The following KCNMB2 variants were observed in gnomAD, a reference collection of about 807,000 sequenced individuals.
KCNMB2 encodes the protein calcium-activated potassium channel subunit beta-2.
A neutral mutation model predicts 24.5 loss-of-function variants in KCNMB2; 9 were observed. The ratio of observed to expected loss-of-function variants is 0.37; its 90% CI spans 0.22 to 0.64. The LOEUF is 0.64. KCNMB2 is among the 30% of genes least tolerant of loss of function. The probability of loss-of-function intolerance (pLI) is 0.63; values close to 1 mark genes in which losing one functional copy is unlikely to be tolerated. For missense variants in KCNMB2, 226 were observed against 284.3 expected, an observed-to-expected ratio of 0.79 and a Z score of 1.47; for synonymous variants, 109 against 104.4, an observed-to-expected ratio of 1.04 and a Z score of -0.27.
intron 1 of KCNMB2, among the ~76,000 whole-genome samples, chr3:178,775,293 T>C (rs771244778): frequency 6.6e-6 from 1 of 152,228 alleles, no homozygotes; most frequent in Non-Finnish European, 1.5e-5. Flanking sequence ...AGGGAATTAA[T>C]CCTTCACATC....
At chr3:178,771,284 G>A (rs1166851423) in intron 1 of KCNMB2, among the ~76,000 whole-genome samples, 4 of 151,828 alleles carry the variant, frequency 2.6e-5, no homozygotes, top group African/African-American at 9.7e-5. Context: ...TCCAACCCTT[G>A]CTCACTGCAA....
In KCNMB2 at chr3:178,807,427, T is replaced by A. The variant is rs1259686776; in HGVS notation, c.18T>A (p.Ser6Arg). 6.2e-7 allele frequency: 1 copy of A among 1,613,814 alleles called. No individual in the cohort carries two copies. The highest frequency in any genetic ancestry group is 1.1e-5 in the South Asian group (1 of 91,034). The change falls in exon 2 of 5, where the codon AGT (serine) becomes AGA (arginine). Residue 6 changes from serine to arginine, a missense_variant. Coordinates refer to ENST00000452583, the MANE Select transcript of KCNMB2 (RefSeq NM_181361.3). ...TCTCTAAGATGTTTATATGGACCAGTGGCCGGACCTCTTCATCTTATAGAC... is the reference window on the plus strand; with the variant it reads ...TCTCTAAGATGTTTATATGGACCAGAGGCCGGACCTCTTCATCTTATAGAC... MFIWT[S>R]GRTSSSYRHD...
intron 1 of KCNMB2, among the ~76,000 whole-genome samples, chr3:178,552,741 AT>A (rs1219381468): frequency 3.3e-5 from 5 of 152,222 alleles, no homozygotes; most frequent in African/African-American, 4.8e-5. Flanking sequence ...AATTATAGGA[AT>A]TCAAACAATC....
intron 1 of KCNMB2, among the ~76,000 whole-genome samples, chr3:178,539,276 C>G (rs565999226): frequency 6.6e-6 from 1 of 152,048 alleles, no homozygotes; most frequent in South Asian, 2.1e-4. Context: ...AATAAAAAAG[C>G]AGACTGCAAG....
chr3:178,665,236 G>A (rs1255368137), intron 1 of KCNMB2, among the ~76,000 whole-genome samples: 2 of 152,150 alleles, frequency 1.3e-5, no homozygotes, highest in Non-Finnish European at 2.9e-5. Flanking sequence ...TCATTTGAGA[G>A]AGAAGTCACA....
intron 1 of KCNMB2, among the ~76,000 whole-genome samples, chr3:178,713,069 T>C (rs976839610): frequency 6.6e-6 from 1 of 152,212 alleles, no homozygotes; most frequent in Non-Finnish European, 1.5e-5. Flanking sequence ...GAAGGGCCTG[T>C]TCAAATATGA....
intron 1 of KCNMB2, among the ~76,000 whole-genome samples, chr3:178,783,126 G>A (rs1712941689): frequency 6.6e-6 from 1 of 151,882 alleles, no homozygotes; most frequent in Non-Finnish European, 1.5e-5. Context: ...ATTTCTGAGG[G>A]CTCTGTTCTG....
chr3:178,772,387 C>T (rs1712408107), intron 1 of KCNMB2, among the ~76,000 whole-genome samples: 1 of 152,168 alleles, frequency 6.6e-6, no homozygotes, highest in Non-Finnish European at 1.5e-5. Context: ...AAGGATGCAA[C>T]TGAATTTTGG....
At chr3:178,816,966 A>G (rs532211652) in intron 2 of KCNMB2, among the ~76,000 whole-genome samples, 1 of 152,204 alleles carries the variant, frequency 6.6e-6, no homozygotes, top group Admixed American at 6.5e-5. Context: ...TAATATGCTA[A>G]TTGGTCCAAC....
At chr3:178,550,457 C>CAAA (rs71671909) in intron 1 of KCNMB2, among the ~76,000 whole-genome samples, 612 of 45,766 alleles carry the variant, frequency 0.013, 39 homozygotes, top group African/African-American at 0.037. Flanking sequence ...GACTCCGTCT[C>CAAA]AAAAAAAAAA....
At chr3:178,770,087 T>C (rs1418328069) in intron 1 of KCNMB2, among the ~76,000 whole-genome samples, 6 of 152,198 alleles carry the variant, frequency 3.9e-5, no homozygotes, top group Non-Finnish European at 8.8e-5. Flanking sequence ...TCTTGACATA[T>C]GTCTACATAG....
intron 1 of KCNMB2, among the ~76,000 whole-genome samples, chr3:178,546,323 C>A (rs558535830): frequency 6.6e-6 from 1 of 152,196 alleles, no homozygotes; most frequent in Non-Finnish European, 1.5e-5. Context: ...ATAAAGAAAA[C>A]AAATGTGCTC....
intron 1 of KCNMB2, among the ~76,000 whole-genome samples, chr3:178,695,987 C>T (rs1373236303): frequency 2.0e-5 from 3 of 152,198 alleles, no homozygotes; most frequent in Admixed American, 6.5e-5. Flanking sequence ...AACAAAGACT[C>T]ACCTGAGACT....
At chr3:178,757,934 T>TATCCAAGAGGATATATATAC (rs1560006139) in intron 1 of KCNMB2, among the ~76,000 whole-genome samples, 3 of 96,044 alleles carry the variant, frequency 3.1e-5, no homozygotes, top group Non-Finnish European at 7.4e-5. Flanking sequence ...GATATATATA[T>TATCCAAGAGGATATATATAC]ACACAAGGGG....
At chr3:178,579,734 T>C (rs974696806) in intron 1 of KCNMB2, among the ~76,000 whole-genome samples, 1 of 152,132 alleles carries the variant, frequency 6.6e-6, no homozygotes, top group African/African-American at 2.4e-5. Context: ...CAGAGAACAC[T>C]ATAAACACCT....
chr3:178,743,491 T>A (rs776074612), intron 1 of KCNMB2, among the ~76,000 whole-genome samples: 3 of 152,192 alleles, frequency 2.0e-5, no homozygotes, highest in Non-Finnish European at 2.9e-5. Flanking sequence ...TACTCCCACG[T>A]GCTACTACAA....
intron 1 of KCNMB2, among the ~76,000 whole-genome samples, chr3:178,663,002 A>G (rs547066567): frequency 3.3e-5 from 5 of 152,240 alleles, no homozygotes; most frequent in African/African-American, 1.2e-4. Flanking sequence ...TTGGTCAGCA[A>G]TTTGGGCTGG....
intron 1 of KCNMB2, among the ~76,000 whole-genome samples, chr3:178,561,810 C>T (rs948963784): frequency 3.3e-5 from 5 of 152,080 alleles, no homozygotes; most frequent in Non-Finnish European, 2.9e-5. Context: ...CAAAATAAGA[C>T]TAAGAAAAGG....
intron 1 of KCNMB2, among the ~76,000 whole-genome samples, chr3:178,645,194 G>C (rs895075854): frequency 4.6e-5 from 7 of 151,790 alleles, no homozygotes; most frequent in Admixed American, 2.0e-4. Context: ...GGGATTACAG[G>C]CATGCATCAC....
Sources: allele counts gnomAD v4.1 joint callset (sites outside exome capture counted in the v4.1 genomes callset), GRCh38; gene constraint gnomAD v4.1.1; transcripts MANE v1.5; gene names NCBI Gene and HGNC (gene_info 2026-07-23, HGNC 2026-07-21).